KLF12: variants seen among roughly 807,000 people sequenced by gnomAD.
The protein encoded by KLF12 is Krueppel-like factor 12.
KLF12 carries 9 observed loss-of-function variants against 37.8 expected under a neutral mutation model. That is an observed-to-expected ratio of 0.24 (90% CI 0.14 to 0.42). KLF12 has a LOEUF of 0.42. KLF12 is among the 10% of genes least tolerant of loss of function. The pLI is 1.00. For missense variants in KLF12, 411 were observed against 516.0 expected (o/e 0.80, Z 1.97); for synonymous variants, 208 against 202.1 (o/e 1.03, Z -0.25).
At chr13:73,759,090 T>A (rs1298586509) in intron 6 of KLF12, among the ~76,000 whole-genome samples, 1 of 152,164 alleles carries the variant, frequency 6.6e-6, no homozygotes, top group African/African-American at 2.4e-5. Context: ...TTCTTTTTAT[T>A]GTAATTCAGC....
chr13:74,118,491 T>C (rs1474170542), intron 1 of KLF12, among the ~76,000 whole-genome samples: 1 of 152,208 alleles, frequency 6.6e-6, no homozygotes, highest in African/African-American at 2.4e-5. Context: ...AAAGGAAATC[T>C]GGTTTCCTCT....
At position 73,735,954 on chromosome 13, in the gene KLF12, TTTC is replaced by T. The variant is rs1172052981; in HGVS notation, c.870-20432_870-20430del. Among the ~76,000 whole-genome samples, 161 of 148,890 alleles carry T rather than the reference TTTC, an allele frequency of 1.1e-3. 1 individual carries two copies. Among genetic ancestry groups the T allele is most frequent in the African/African-American group, 3.7e-3 (145 of 39,286 alleles). ...TATGCACTGATTTTCTTTCTTTCTTTTTCTTTTTTTTTTTACCTGCTTCAAGTT... is the reference window on the plus strand; with the variant it reads ...TATGCACTGATTTTCTTTCTTTCTTTTTTTTTTTTTTACCTGCTTCAAGTT... On this transcript the variant is annotated intron_variant, in intron 6 of 7. Coordinates refer to ENST00000377669, the MANE Select transcript of KLF12 (RefSeq NM_007249.5).
intron 4 of KLF12, among the ~76,000 whole-genome samples, chr13:73,817,825 G>A (rs1594126895): frequency 6.6e-6 from 1 of 152,304 alleles, no homozygotes; most frequent in Non-Finnish European, 1.5e-5. Flanking sequence ...ATGCCGTAGG[G>A]TGAAGCATTC....
At chr13:74,077,696 T>C (rs1390036502) in intron 1 of KLF12, among the ~76,000 whole-genome samples, 3 of 152,196 alleles carry the variant, frequency 2.0e-5, no homozygotes. Flanking sequence ...AAGAAATCAT[T>C]TGAAAATTGT....
chr13:74,230,479 TTG>T, the KLF12 span, among the ~76,000 whole-genome samples: 3 of 152,268 alleles, frequency 2.0e-5, no homozygotes, highest in East Asian at 1.9e-4. Flanking sequence ...ATAGGTATAA[TTG>T]TGCTCATCCA....
chr13:73,912,264 A>T (rs1235522637), intron 3 of KLF12, among the ~76,000 whole-genome samples: 1 of 151,938 alleles, frequency 6.6e-6, no homozygotes, highest in African/African-American at 2.4e-5. Flanking sequence ...CCTTTAAGCA[A>T]CTCCCAGGGA....
chr13:73,981,378 G>T (rs1284581034), intron 2 of KLF12, among the ~76,000 whole-genome samples: 1 of 152,100 alleles, frequency 6.6e-6, no homozygotes, highest in Admixed American at 6.5e-5. Context: ...GTCCATTGCT[G>T]AAAAATGGAT....
At chr13:74,136,020 G>A (rs1480478365), upstream of KLF12, among the ~76,000 whole-genome samples, 10 of 152,218 alleles carry the variant, frequency 6.6e-5, no homozygotes, top group Admixed American at 2.0e-4. Context: ...AATGGGATGG[G>A]TGGTCCAACC....
chr13:73,924,599 T>C (rs1288485181), intron 3 of KLF12, among the ~76,000 whole-genome samples: 1 of 152,036 alleles, frequency 6.6e-6, no homozygotes, highest in Non-Finnish European at 1.5e-5. Flanking sequence ...CCCTGAGACA[T>C]TAAGTATTGA....
chr13:73,984,100 G>T (rs78057420), intron 2 of KLF12, among the ~76,000 whole-genome samples: 1 of 152,132 alleles, frequency 6.6e-6, no homozygotes, highest in Non-Finnish European at 1.5e-5. Context: ...CCTCGGGTGG[G>T]GAGGACAGCA....
chr13:73,747,936 G>C (rs915607792), intron 6 of KLF12, among the ~76,000 whole-genome samples: 2 of 152,162 alleles, frequency 1.3e-5, no homozygotes, highest in Non-Finnish European at 2.9e-5. Context: ...TGGTATCTAT[G>C]AACTGTGTGA....
chr13:73,716,513 T>C (rs2137688803), intron 6 of KLF12, among the ~76,000 whole-genome samples: 1 of 152,342 alleles, frequency 6.6e-6, no homozygotes, highest in Non-Finnish European at 1.5e-5. Context: ...TTTTAAAAGT[T>C]GAACATTACT....
intron 7 of KLF12, among the ~76,000 whole-genome samples, chr13:73,698,817 A>G (rs764220032): frequency 6.6e-6 from 1 of 152,094 alleles, no homozygotes; most frequent in Non-Finnish European, 1.5e-5. Context: ...CCTGATTTTT[A>G]TAAGAGATGG....
At chr13:73,873,720 A>G (rs1478222547) in intron 3 of KLF12, among the ~76,000 whole-genome samples, 1 of 152,184 alleles carries the variant, frequency 6.6e-6, no homozygotes, top group Non-Finnish European at 1.5e-5. Flanking sequence ...CTTCTGTTCC[A>G]GGTAAAAAAG....
In KLF12 at chr13:73,846,287, T is replaced by C. The variant is rs764893449; in HGVS notation, c.210A>G (p.Leu70=). The C allele has an allele frequency of 1.9e-6, 3 of 1,613,948 alleles. No homozygotes were observed. In the African/African-American group the frequency reaches 4.0e-5, roughly 22 times the overall value. Residue 70 remains leucine (L), a synonymous_variant, in exon 4 of 8, where the codon TTA becomes TTG. Coordinates refer to ENST00000377669, the MANE Select transcript of KLF12 (RefSeq NM_007249.5). Reference sequence around the variant, plus strand: ...TTTGTGTTTGGAAGTGATCTACAGATAACGAGTCCTCCGGGGGCTCCCCTT... The same window carrying C: ...TTTGTGTTTGGAAGTGATCTACAGACAACGAGTCCTCCGGGGGCTCCCCTT...
intron 5 of KLF12, among the ~76,000 whole-genome samples, chr13:73,791,651 G>GTA (rs1473900445): frequency 6.6e-6 from 1 of 152,032 alleles, no homozygotes; most frequent in Non-Finnish European, 1.5e-5. Flanking sequence ...TTTTCCTGTA[G>GTA]TATGATTTGT....
At chr13:73,893,183 A>G (rs1449512920) in intron 3 of KLF12, among the ~76,000 whole-genome samples, 1 of 152,042 alleles carries the variant, frequency 6.6e-6, no homozygotes. Context: ...TGGGTCAGAG[A>G]GAGGGGCACC....
chr13:73,982,161 C>A (rs1394581955), intron 2 of KLF12, among the ~76,000 whole-genome samples: 4 of 152,186 alleles, frequency 2.6e-5, no homozygotes, highest in Admixed American at 6.5e-5. Flanking sequence ...ACATTAACTT[C>A]ATTGACTAGG....
chr13:73,996,652 C>T lies in KLF12; in HGVS notation c.-31-1599G>A, dbSNP rs569086010. Among the ~76,000 whole-genome samples the T allele has an allele frequency of 5.9e-5, 9 of 152,312 alleles. No homozygotes were observed. In the South Asian group the frequency reaches 1.7e-3, roughly 28 times the overall value. On this transcript the variant is annotated intron_variant, in intron 1 of 7. Coordinates refer to ENST00000377669, the MANE Select transcript of KLF12 (RefSeq NM_007249.5). ...TTTGTGACTTTTATTACGAATCACA[C>T]ATAAACACCCTTCCGTGTAAATCTG...
Sources: gnomAD v4.1 joint callset for allele counts (sites outside exome capture counted in the v4.1 genomes callset) on GRCh38, gnomAD v4.1.1 for gene constraint, MANE v1.5 for transcripts, NCBI Gene and HGNC (gene_info 2026-07-23, HGNC 2026-07-21) for gene names.